CBFA2T2: variants seen among roughly 807,000 people sequenced by gnomAD.
CBFA2T2 encodes CBFA2/RUNX1 partner transcriptional co-repressor 2.
CBFA2T2 carries 11 observed loss-of-function variants against 62.2 expected under a neutral mutation model. The observed-to-expected ratio is 0.18, with a 90% CI of 0.11 to 0.29. CBFA2T2 has a LOEUF of 0.29. Among genes scored for constraint, CBFA2T2 ranks in the 10% least tolerant of loss-of-function variants. The pLI, the probability that CBFA2T2 is intolerant of heterozygous loss-of-function variation, is 1.00. For missense variants in CBFA2T2, 592 were observed against 774.1 expected (o/e 0.76, Z 2.79); for synonymous variants, 295 against 287.5 (o/e 1.03, Z -0.27).
chr20:33,640,168 G>A (rs895458404), intron 9 of CBFA2T2, among the ~76,000 whole-genome samples, 173 bp from the exon 10 acceptor site: 9 of 152,124 alleles, frequency 5.9e-5, no homozygotes, highest in African/African-American at 1.7e-4. Context: ...CTCCATCTCC[G>A]TACCCAGCCA....
intron 2 of CBFA2T2, among the ~76,000 whole-genome samples, chr20:33,610,652 T>C (rs1672950920): frequency 6.6e-6 from 1 of 152,152 alleles, no homozygotes; most frequent in South Asian, 2.1e-4. Context: ...CTCTTTTTTC[T>C]GGTGTCTTGC....
Position 33,574,303 on chromosome 20 carries a change from T to C in CBFA2T2, c.35-32653T>C, listed in dbSNP as rs371732152. On this transcript the variant is annotated intron_variant, in intron 1 of 10. Transcript: ENST00000342704. ...CATTTCTAATAGAGGACTAATTTAA[T>C]AACAGAAATATACTCTTCCCTAGAA... 1.2e-5 allele frequency: 19 copies of C among 1,564,602 alleles called. No individual in the cohort carries two copies. The African/African-American group carries it at 2.3e-4, about 19-fold the overall frequency.
intron 1 of CBFA2T2, among the ~76,000 whole-genome samples, chr20:33,508,115 T>C (rs2011435265): frequency 6.6e-6 from 1 of 152,014 alleles, no homozygotes; most frequent in African/African-American, 2.4e-5. Flanking sequence ...TTTTGTTTGT[T>C]TGATAGCCTC....
chr20:33,605,674 G>A (rs1219794919), intron 1 of CBFA2T2, among the ~76,000 whole-genome samples: 1 of 152,172 alleles, frequency 6.6e-6, no homozygotes, highest in Non-Finnish European at 1.5e-5. Context: ...TCTGCTTCAT[G>A]TAGACTCAGC....
intron 9 of CBFA2T2, among the ~76,000 whole-genome samples, chr20:33,638,496 T>C (rs1039592307): frequency 6.6e-6 from 1 of 152,138 alleles, no homozygotes; most frequent in Admixed American, 6.5e-5. Context: ...AAAATGTACC[T>C]AAGAGCATTG....
chr20:33,561,002 C>T (rs754599101), intron 1 of CBFA2T2, among the ~76,000 whole-genome samples: 16 of 152,142 alleles, frequency 1.1e-4, no homozygotes, highest in East Asian at 3.9e-4. Context: ...CTCAGCCTCC[C>T]GAGTAGCTGG....
intron 1 of CBFA2T2, among the ~76,000 whole-genome samples, chr20:33,561,713 G>A (rs1299753721): frequency 1.3e-5 from 2 of 152,056 alleles, no homozygotes; most frequent in African/African-American, 2.4e-5. Flanking sequence ...TTATTTTAAT[G>A]TTAAATATTA....
chr20:33,614,910 C>G (rs996040401), intron 3 of CBFA2T2, among the ~76,000 whole-genome samples: 1 of 152,226 alleles, frequency 6.6e-6, no homozygotes, highest in African/African-American at 2.4e-5. Context: ...AGTGGCCCAA[C>G]CTTACAAGCA....
At chr20:33,521,773 T>G (rs1281304696) in intron 1 of CBFA2T2, among the ~76,000 whole-genome samples, 3 of 152,094 alleles carry the variant, frequency 2.0e-5, no homozygotes, top group Non-Finnish European at 2.9e-5. Flanking sequence ...TTGCCTTTGG[T>G]CTGGATAGTA....
At chr20:33,535,173 T>C (rs1414242350) in intron 1 of CBFA2T2, among the ~76,000 whole-genome samples, 1 of 152,272 alleles carries the variant, frequency 6.6e-6, no homozygotes, top group African/African-American at 2.4e-5. Flanking sequence ...GTTGCCTTTC[T>C]GAGAATCTTG....
At chr20:33,570,063 G>C (rs1249351268) in intron 1 of CBFA2T2, among the ~76,000 whole-genome samples, 1 of 152,130 alleles carries the variant, frequency 6.6e-6, no homozygotes, top group East Asian at 1.9e-4. Flanking sequence ...GCGATCACCT[G>C]AAGTCAGGAG....
intron 1 of CBFA2T2, among the ~76,000 whole-genome samples, chr20:33,518,606 CAA>C (rs1232405120): frequency 1.5e-4 from 15 of 102,880 alleles, no homozygotes; most frequent in Admixed American, 2.1e-4. Context: ...ACTAAAAATA[CAA>C]AAAAAAAAAA....
chr20:33,599,855 A>T (rs1316656140), intron 1 of CBFA2T2, among the ~76,000 whole-genome samples: 1 of 152,098 alleles, frequency 6.6e-6, no homozygotes, highest in Non-Finnish European at 1.5e-5. Flanking sequence ...CAACCTCCCA[A>T]AGTGCTGGGA....
intron 1 of CBFA2T2, among the ~76,000 whole-genome samples, chr20:33,604,163 C>T (rs1352932563): frequency 1.3e-5 from 2 of 152,178 alleles, no homozygotes; most frequent in African/African-American, 2.4e-5. Flanking sequence ...CTATTTTCCA[C>T]AGAAAACAGA....
intron 1 of CBFA2T2, among the ~76,000 whole-genome samples, chr20:33,533,607 T>G (rs962452444): frequency 3.9e-5 from 6 of 152,176 alleles, no homozygotes; most frequent in African/African-American, 7.2e-5. Flanking sequence ...CAAATAAAGC[T>G]TCTTTGAACA....
chr20:33,616,154 GATAGAT>G (rs1201104888), intron 3 of CBFA2T2, among the ~76,000 whole-genome samples: 9 of 151,730 alleles, frequency 5.9e-5, no homozygotes, highest in South Asian at 2.1e-4. Context: ...ATACTCTGTA[GATAGAT>G]ATAGATATAG....
At chr20:33,636,773 C>G (rs2016649642) in intron 9 of CBFA2T2, 65 bp downstream of exon 9, 1 of 1,214,128 alleles carries the variant, frequency 8.2e-7, no homozygotes. Flanking sequence ...GAACAGATAA[C>G]TGGGTGAATG....
intron 1 of CBFA2T2, among the ~76,000 whole-genome samples, chr20:33,594,214 T>A (rs1284055547): frequency 1.3e-5 from 2 of 152,104 alleles, no homozygotes; most frequent in Non-Finnish European, 2.9e-5. Context: ...AATTTACTGC[T>A]ATATTTCTTT....
chr20:33,598,963 A>G (rs992232266), intron 1 of CBFA2T2, among the ~76,000 whole-genome samples: 2 of 152,100 alleles, frequency 1.3e-5, no homozygotes, highest in Non-Finnish European at 2.9e-5. Context: ...AAGTCAGTAA[A>G]CTGTGGCCCA....
Sources: gnomAD v4.1 joint callset for allele counts (sites outside exome capture counted in the v4.1 genomes callset) on GRCh38, gnomAD v4.1.1 for gene constraint, MANE v1.5 for transcripts, NCBI Gene and HGNC (gene_info 2026-07-23, HGNC 2026-07-21) for gene names.